The following TAF1C variants were observed in gnomAD, a reference collection of about 807,000 sequenced individuals.
The protein encoded by TAF1C is TATA-box binding protein associated factor, RNA polymerase I subunit C.
TAF1C carries 79 observed loss-of-function variants against 70.5 expected under a neutral mutation model. That is an observed-to-expected ratio of 1.12 (90% CI 0.93 to 1.35). The LOEUF (loss-of-function observed/expected upper bound fraction) is 1.35. TAF1C is among the 40% of genes most tolerant of loss of function. The pLI is 0.00. For missense variants in TAF1C, 1,412 were observed against 1,127.8 expected (o/e 1.25, Z -3.61); for synonymous variants, 614 against 491.1 (o/e 1.25, Z -3.31).
chr16:84,178,689 C>G lies in TAF1C; in HGVS notation c.*252G>C, dbSNP rs2088886958. 3 of 549,188 alleles carry G rather than the reference C, an allele frequency of 5.5e-6. No individual in the cohort carries two copies. Among genetic ancestry groups the G allele is most frequent in the Non-Finnish European group, 3.2e-6 (1 of 307,714 alleles). The allele number at this position is 549,188 out of a possible 1,614,324, so 34.0% of individuals were successfully genotyped here. ...AGCACAGACTAAAATCCCAGCAACA[C>G]AGGCCCACCGGCACCTCCAGCCTGC... On this transcript the variant is annotated 3_prime_UTR_variant, in exon 15 of 15. Coordinates refer to ENST00000566732, the MANE Select transcript of TAF1C (RefSeq NM_001243156.2).
rs1331396122 is a variant in TAF1C, at chr16:84,184,941, G to A, written c.48C>T (p.Pro16=). The A allele has an allele frequency of 1.2e-6, 2 of 1,613,926 alleles. No individual in the cohort carries two copies. The highest frequency in any genetic ancestry group is 1.7e-6 in the Non-Finnish European group (2 of 1,179,934). ...SLRPALFLTG[P]LGLSDVPDLS... ...GGTCAGGGACGTCGCTCAGACCAAGGGGGCCGGTCAGAAACAATGCAGGGC... is the reference window on the plus strand; with the variant it reads ...GGTCAGGGACGTCGCTCAGACCAAGAGGGCCGGTCAGAAACAATGCAGGGC... The change falls in exon 2 of 15, where the codon CCC becomes CCT. Residue 16 remains proline (P), a synonymous_variant. Coordinates refer to ENST00000566732, the MANE Select transcript of TAF1C (RefSeq NM_001243156.2).
chr16:84,186,380 C>A (rs77153090), intron 1 of TAF1C, among the ~76,000 whole-genome samples: 2 of 152,150 alleles, frequency 1.3e-5, no homozygotes, highest in Non-Finnish European at 2.9e-5. Flanking sequence ...ACAGTGAAAC[C>A]CTGTCAATAC....
In TAF1C at chr16:84,178,997, T is replaced by C; in HGVS notation, c.2476A>G (p.Thr826Ala). 1 of 1,610,732 alleles carries C rather than the reference T, an allele frequency of 6.2e-7. No individual in the cohort carries two copies. The highest frequency in any genetic ancestry group is 2.2e-5 in the East Asian group (1 of 44,870). The change falls in exon 15 of 15, where the codon ACA becomes GCA. Residue 826 changes from threonine (T) to alanine (A), a missense_variant. Physicochemically the swap from Thr to Ala is moderately conservative, Grantham distance 58. Coordinates refer to ENST00000566732, the MANE Select transcript of TAF1C (RefSeq NM_001243156.2). ...GGCTGAGAGCTAGAGAGGACGGGTG[T>C]GTGCTGCTGGGAGCGAGTGGCCCGG... The part of the protein sequence containing the change: ...SVRATRSQQH[T>A]PVLSSSQPLR...
Position 84,181,667 on chromosome 16 carries a change from C to T in TAF1C, c.957-4G>A. ...CAGCTCCCCGGGCAGGTGAGGGCTA[C>T]AGGGCAGGAATGCATTCACATCGGG... On this transcript the variant is annotated splice_region_variant and splice_polypyrimidine_tract_variant and intron_variant, in intron 9 of 14. Transcript: ENST00000566732. 3 of 1,614,012 alleles carry T rather than the reference C, an allele frequency of 1.9e-6. No homozygotes were observed. The highest frequency in any genetic ancestry group is 2.5e-6 in the Non-Finnish European group (3 of 1,180,014).
chr16:84,186,125 G>T (rs1261962362), intron 1 of TAF1C, among the ~76,000 whole-genome samples: 3 of 152,236 alleles, frequency 2.0e-5, no homozygotes. Context: ...GGCTCAGCAA[G>T]AACTTTAGTC....
chr16:84,180,587 G>C, intron 12 of TAF1C: 1 of 584,168 alleles, frequency 1.7e-6, no homozygotes, highest in Non-Finnish European at 2.8e-6. Flanking sequence ...GTGCTCAGAA[G>C]AGGTGTGGGG....
intron 6 of TAF1C, 40 bp downstream of exon 6, chr16:84,183,036 C>T (rs748624842): frequency 5.0e-6 from 8 of 1,607,126 alleles, no homozygotes; most frequent in Non-Finnish European, 6.0e-6. Flanking sequence ...CCACCACCAG[C>T]TATGCCTATC....
At chr16:84,180,536 G>A (rs2089101353) in intron 12 of TAF1C, 192 bp from the exon 13 acceptor site, 1 of 638,424 alleles carries the variant, frequency 1.6e-6, no homozygotes, top group South Asian at 2.3e-5. Context: ...CACCAATTCT[G>A]ACCGACAGTC....
intron 2 of TAF1C, among the ~76,000 whole-genome samples, chr16:84,184,293 CG>C (rs2089366613): frequency 6.6e-6 from 1 of 152,162 alleles, no homozygotes; most frequent in Non-Finnish European, 1.5e-5. Flanking sequence ...CCCTGACCCC[CG>C]TTCCCCAAGC....
In TAF1C at chr16:84,182,574, C is replaced by T. The variant is rs1567595452; in HGVS notation, c.483-134G>A. ...TTCTTCCTTTGGGAGACCACCCCAT[C>T]CTGTTCCCATGCCCCGGAAGCAATC... On this transcript the variant is annotated intron_variant, in intron 6 of 14. Coordinates refer to ENST00000566732, the MANE Select transcript of TAF1C (RefSeq NM_001243156.2). The surrounding 1 kb of genome is among the most constrained non-coding windows in gnomAD (Gnocchi z 5.0). 5 of 825,054 alleles carry T rather than the reference C, an allele frequency of 6.1e-6. No homozygotes were observed. Among genetic ancestry groups the T allele is most frequent in the Non-Finnish European group, 9.3e-6 (5 of 539,532 alleles). The allele number at this position is 825,054 out of a possible 1,614,324, so 51.1% of individuals were successfully genotyped here.
rs375925342 is a variant in TAF1C, at chr16:84,180,266, G to A, written c.1387C>T (p.Leu463=). The A allele has an allele frequency of 1.3e-6, 2 of 1,547,828 alleles. No individual in the cohort carries two copies. The highest frequency in any genetic ancestry group is 1.2e-5 in the South Asian group (1 of 84,286). Residue 463 remains leucine (L), a synonymous_variant, in exon 13 of 15, where the codon CTG becomes TTG. Coordinates refer to ENST00000566732, the MANE Select transcript of TAF1C (RefSeq NM_001243156.2). The stretch of plus-strand genomic sequence containing the variant: ...GGCGGAGGCAGCAGTCGGGCCAGCA[G>A]GAGCGGGGAGGGGAGGCCATGGTTC... ...KWNHGLPSPL[L]LARLLPPPRP...
In TAF1C at chr16:84,181,758, C is replaced by T; in HGVS notation, c.944G>A (p.Gly315Glu). Residue 315 changes from glycine (G) to glutamate (E), a missense_variant, in exon 9 of 15, where the codon GGG becomes GAG. By Grantham distance (98) the Gly-to-Glu change is moderately conservative. Coordinates refer to ENST00000566732, the MANE Select transcript of TAF1C (RefSeq NM_001243156.2). ...QAMQVEKGAT[G>E]ISLSPHLPGE... is the part of the protein sequence containing the mutation. ...TGACCCCCCTCACCTGAGGCTGATCCCCGTGGCCCCTTTCTCCACCTGCAT... is the reference window on the plus strand; with the variant it reads ...TGACCCCCCTCACCTGAGGCTGATCTCCGTGGCCCCTTTCTCCACCTGCAT... The T allele has an allele frequency of 6.2e-7, 1 of 1,614,080 alleles. No homozygotes were observed. The highest frequency in any genetic ancestry group is 8.5e-7 in the Non-Finnish European group (1 of 1,179,962).
intron 12 of TAF1C, chr16:84,180,795 C>G (rs1168371432): frequency 3.0e-6 from 4 of 1,354,258 alleles, no homozygotes. Flanking sequence ...GAGGCCCCTC[C>G]TCCCCTGCTC....
chr16:84,181,160 A>G lies in TAF1C; in HGVS notation c.1191T>C (p.Leu397=), dbSNP rs200508275. 1.5e-4 allele frequency: 236 copies of G among 1,611,260 alleles called. 3 individuals carry two copies. In the East Asian group the frequency reaches 4.5e-3, roughly 31 times the overall value. The change falls in exon 12 of 15, where the codon CTT becomes CTC. Residue 397 remains leucine (L), a synonymous_variant. Transcript: ENST00000566732. The part of the protein sequence containing the change: ...TQGPPGCGLL[L]FRLGAEASCQ... ...ACGAAGCCTCTGCCCCCAAACGAAA[A>G]AGCAACAGACCACAGCCCGGCGGGC...
rs1317352912 is a variant in TAF1C, at chr16:84,180,456, A to G, written c.1309-112T>C. On this transcript the variant is annotated intron_variant, in intron 12 of 14. Transcript: ENST00000566732. ...TGAGTGCAGAGCCCTGAGGGGCAGC[A>G]GCATCTCCCATCAGCCTCCACGTGC... 5 of 1,125,974 alleles carry G rather than the reference A, an allele frequency of 4.4e-6. No homozygotes were observed. In the Admixed American group the frequency reaches 1.5e-4, roughly 34 times the overall value. 69.7% of individuals were successfully genotyped at this position (1,125,974 alleles called of 1,614,324 possible).
intron 2 of TAF1C, among the ~76,000 whole-genome samples, chr16:84,184,066 C>A (rs1200465445): frequency 6.6e-6 from 1 of 152,362 alleles, no homozygotes; most frequent in Non-Finnish European, 1.5e-5. Flanking sequence ...AAGGAAGCCC[C>A]TCATGCCACC....
chr16:84,185,863 G>A (rs1341086031), intron 1 of TAF1C, among the ~76,000 whole-genome samples: 1 of 152,104 alleles, frequency 6.6e-6, no homozygotes, highest in Non-Finnish European at 1.5e-5. Context: ...TCGCGCCATT[G>A]CACTGTAGCC....
rs758442951 is a variant in TAF1C, at chr16:84,182,160, A to G, written c.721+42T>C. On this transcript the variant is annotated intron_variant, in intron 7 of 14. Coordinates refer to ENST00000566732, the MANE Select transcript of TAF1C (RefSeq NM_001243156.2). This position sits in a 1 kb window ranked among gnomAD's most constrained non-coding sequence, Gnocchi z 5.0. The stretch of plus-strand genomic sequence containing the variant: ...ATGCCAAGAGCACCTCCTCTACCAG[A>G]GGCGAGCCCGCTGGAATCTCCTGTC... 2.5e-6 allele frequency: 4 copies of G among 1,592,514 alleles called. No homozygotes were observed. In the African/African-American group the frequency reaches 5.4e-5, roughly 21 times the overall value.
intron 1 of TAF1C, among the ~76,000 whole-genome samples, chr16:84,185,738 T>C (rs932084188): frequency 6.6e-6 from 1 of 152,106 alleles, no homozygotes; most frequent in Non-Finnish European, 1.5e-5. Context: ...CGGTCTCTAC[T>C]AAAAATACAA....
Sources: allele counts gnomAD v4.1 joint callset (sites outside exome capture counted in the v4.1 genomes callset), GRCh38; gene constraint gnomAD v4.1.1; non-coding constraint Gnocchi (gnomAD v3.1); transcripts MANE v1.5; gene names NCBI Gene and HGNC (gene_info 2026-07-23, HGNC 2026-07-21).